PGM5: variants seen among roughly 807,000 people sequenced by gnomAD.
PGM5 encodes phosphoglucomutase 5, also known as phosphoglucomutase-like protein 5.
A neutral mutation model predicts 59.2 loss-of-function variants in PGM5; 23 were observed. The observed-to-expected ratio is 0.39, with a 90% CI of 0.28 to 0.55. The LOEUF is 0.55. PGM5 is among the 20% of genes least tolerant of loss of function. PGM5 has a pLI of 0.66. For missense variants in PGM5, 574 were observed against 748.3 expected (o/e 0.77, Z 2.72); for synonymous variants, 214 against 286.0 (o/e 0.75, Z 2.54).
At chr9:68,388,100 CCCTCTCCACCCACCACCCA>C (rs1256243925) in intron 4 of PGM5, among the ~76,000 whole-genome samples, 1 of 136,678 alleles carries the variant, frequency 7.3e-6, no homozygotes, top group Admixed American at 7.8e-5. Flanking sequence ...CTCTTTTTCA[CCCTCTCCACCCACCACCCA>C]CCTCTCCACC....
intron 7 of PGM5, among the ~76,000 whole-genome samples, chr9:68,472,399 G>T (rs1824033336): frequency 6.6e-6 from 1 of 152,106 alleles, no homozygotes; most frequent in Non-Finnish European, 1.5e-5. Flanking sequence ...AATGCCAGGG[G>T]ACTTGGGAGA....
intron 1 of PGM5, among the ~76,000 whole-genome samples, chr9:68,361,891 G>T (rs62551275): frequency 0.21 from 32,153 of 151,336 alleles, 4,257 homozygotes; most frequent in Admixed American, 0.31. Context: ...CATTAGTGAT[G>T]GTGAGATGAT....
chr9:68,479,413 T>C lies in PGM5; in HGVS notation c.1160-5T>C, dbSNP rs782189754. On this transcript the variant is annotated splice_region_variant and splice_polypyrimidine_tract_variant and intron_variant, in intron 7 of 10. Transcript: ENST00000396396. ...TGCTCAGCAGAATTTTTCTTTCACC[T>C]TTAGGCTCTGACCACCTCCGAGAGA... 13 of 1,605,836 alleles carry C rather than the reference T, an allele frequency of 8.1e-6. No homozygotes were observed. Among genetic ancestry groups the C allele is most frequent in the African/African-American group, 2.7e-5 (2 of 74,050 alleles).
chr9:68,404,071 C>G (rs1822742454), intron 6 of PGM5, among the ~76,000 whole-genome samples: 1 of 152,152 alleles, frequency 6.6e-6, no homozygotes, highest in Admixed American at 6.5e-5. Flanking sequence ...CAGCTTTTCT[C>G]CCTTATATTC....
intron 7 of PGM5, among the ~76,000 whole-genome samples, chr9:68,468,055 G>C (rs1205944269): frequency 3.4e-5 from 5 of 146,906 alleles, no homozygotes; most frequent in African/African-American, 1.1e-4. Flanking sequence ...CTTGGCTCAG[G>C]TGCACATGTG....
At chr9:68,374,962 C>T (rs1554677461) in intron 1 of PGM5, among the ~76,000 whole-genome samples, 2 of 151,816 alleles carry the variant, frequency 1.3e-5, no homozygotes, top group African/African-American at 4.8e-5. Flanking sequence ...CTTGGGGACT[C>T]ACATGAGGTC....
intron 7 of PGM5, among the ~76,000 whole-genome samples, chr9:68,469,914 A>G (rs900182093): frequency 3.9e-5 from 6 of 152,212 alleles, no homozygotes; most frequent in African/African-American, 1.2e-4. Context: ...AAATGGATGT[A>G]TTTCTGAAGA....
At chr9:68,501,556 A>G (rs1469910556) in intron 10 of PGM5, among the ~76,000 whole-genome samples, 1 of 152,224 alleles carries the variant, frequency 6.6e-6, no homozygotes, top group Non-Finnish European at 1.5e-5. Context: ...GATAAAAGTA[A>G]GATGTACTCC....
In PGM5 at chr9:68,463,010, T is replaced by G. The variant is rs367949946; in HGVS notation, c.1044-2083T>G. On this transcript the variant is annotated intron_variant, in intron 6 of 10. Coordinates refer to ENST00000396396, the MANE Select transcript of PGM5 (RefSeq NM_021965.4). ...ATGATTCTATATCTTTCTTAAACCA[T>G]TGAAAAAGAGAGAAGACGGAATATT... 3.0e-4 allele frequency among the ~76,000 whole-genome samples: 45 copies of G among 152,194 alleles called. 1 individual carries two copies. In the South Asian group the frequency reaches 7.7e-3, roughly 26 times the overall value.
intron 8 of PGM5, among the ~76,000 whole-genome samples, chr9:68,482,716 T>C (rs1824217749): frequency 1.3e-5 from 2 of 152,224 alleles, no homozygotes; most frequent in Non-Finnish European, 2.9e-5. Context: ...CAGACAGTCC[T>C]AGGTGTGCCA....
In PGM5 at chr9:68,530,942, G is replaced by A. The variant is rs185282284; in HGVS notation, c.*1286G>A. On this transcript the variant is annotated 3_prime_UTR_variant, in exon 11 of 11. Coordinates refer to ENST00000396396, the MANE Select transcript of PGM5 (RefSeq NM_021965.4). Reference sequence around the variant, plus strand: ...TGCGTTATTGCTGTAGTCAAGGTTAGTGCAAGCAAGGAAACATTCCCAGTA... The same window carrying A: ...TGCGTTATTGCTGTAGTCAAGGTTAATGCAAGCAAGGAAACATTCCCAGTA... 2 of 152,324 alleles carry A rather than the reference G, an allele frequency of 1.3e-5. No individual in the cohort carries two copies. The highest frequency in any genetic ancestry group is 4.8e-5 in the African/African-American group (2 of 41,576). The allele number at this position is 152,324 out of a possible 1,614,324, so 9.4% of individuals were successfully genotyped here. A position where few individuals can be genotyped will look rare whatever the true frequency, so the allele number is the denominator to read the frequency against.
chr9:68,376,329 A>AATT (rs1821881809), intron 1 of PGM5, among the ~76,000 whole-genome samples: 1 of 152,088 alleles, frequency 6.6e-6, no homozygotes, highest in African/African-American at 2.4e-5. Flanking sequence ...ATAGCAGTCT[A>AATT]ATTCCTTCCT....
At chr9:68,440,493 A>G (rs1379958837) in intron 6 of PGM5, among the ~76,000 whole-genome samples, 1 of 152,178 alleles carries the variant, frequency 6.6e-6, no homozygotes, top group Non-Finnish European at 1.5e-5. Flanking sequence ...TCCATCAAAG[A>G]AAAAGTTTCA....
chr9:68,516,027 C>T (rs1824818739), intron 10 of PGM5, among the ~76,000 whole-genome samples: 1 of 152,176 alleles, frequency 6.6e-6, no homozygotes, highest in Admixed American at 6.5e-5. Flanking sequence ...CACCACAATC[C>T]AATGCTATAG....
In PGM5 at chr9:68,369,077, T is replaced by C. The variant is rs1202020992; in HGVS notation, c.262-9122T>C. ...GGTACATTTAAACAATGGACGACTA[T>C]ATCCATTAAAATCATGTTGTGGAAG... is the stretch of plus-strand genomic sequence containing the variant. On this transcript the variant is annotated intron_variant, in intron 1 of 10. Transcript: ENST00000396396. Among the ~76,000 whole-genome samples the C allele has an allele frequency of 2.0e-5, 3 of 152,256 alleles. No individual in the cohort carries two copies. The East Asian group carries it at 5.8e-4, about 29-fold the overall frequency.
At chr9:68,374,707 G>A (rs1278837268) in intron 1 of PGM5, among the ~76,000 whole-genome samples, 1 of 151,952 alleles carries the variant, frequency 6.6e-6, no homozygotes, top group African/African-American at 2.4e-5. Context: ...TTTTTCCAGA[G>A]CAGCCGTTCA....
At position 68,406,708 on chromosome 9, in the gene PGM5, A is replaced by G. The variant is rs1331744198; in HGVS notation, c.1043+14235A>G. ...TATATATATATATATATATATATAT[A>G]TATATATATATATATATGTATATAG... On this transcript the variant is annotated intron_variant, in intron 6 of 10. Coordinates refer to ENST00000396396, the MANE Select transcript of PGM5 (RefSeq NM_021965.4). Among the ~76,000 whole-genome samples, 34 of 78,768 alleles carry G rather than the reference A, an allele frequency of 4.3e-4. 6 individuals carry two copies. Among genetic ancestry groups the G allele is most frequent in the Admixed American group, 8.2e-4 (6 of 7,354 alleles). The allele number at this position is 78,768 out of a possible 152,430, so 51.7% of individuals were successfully genotyped here.
At chr9:68,492,681 A>G (rs1824412551) in intron 9 of PGM5, among the ~76,000 whole-genome samples, 1 of 152,082 alleles carries the variant, frequency 6.6e-6, no homozygotes, top group South Asian at 2.1e-4. Context: ...CCTGTTTTTA[A>G]CTCACACAAA....
chr9:68,371,468 G>A (rs1554677160), intron 1 of PGM5: 1 of 152,130 alleles, frequency 6.6e-6, no homozygotes, highest in African/African-American at 2.4e-5. Flanking sequence ...ATCTAAAGAT[G>A]AATTTTAAAT....
Sources: allele counts gnomAD v4.1 joint callset (sites outside exome capture counted in the v4.1 genomes callset), GRCh38; gene constraint gnomAD v4.1.1; transcripts MANE v1.5; gene names NCBI Gene and HGNC (gene_info 2026-07-23, HGNC 2026-07-21).